CDK14: variants seen among roughly 807,000 people sequenced by gnomAD.
CDK14 encodes cyclin dependent kinase 14.
Under a neutral mutation model 60.7 loss-of-function variants are expected in CDK14, and 34 were observed. The ratio of observed to expected loss-of-function variants is 0.56; its 90% CI spans 0.43 to 0.75. The LOEUF (loss-of-function observed/expected upper bound fraction) is 0.75. CDK14 is among the 30% of genes least tolerant of loss of function. The probability of loss-of-function intolerance (pLI) is 0.00; values close to 1 mark genes in which losing one functional copy is unlikely to be tolerated. For synonymous variants in CDK14, 197 were observed against 203.7 expected, an observed-to-expected ratio of 0.97 and a Z score of 0.28; for missense variants, 482 against 564.1, an observed-to-expected ratio of 0.85 and a Z score of 1.47.
intron 11 of CDK14, among the ~76,000 whole-genome samples, chr7:91,067,456 C>T (rs1198053880): frequency 2.0e-5 from 3 of 152,154 alleles, no homozygotes; most frequent in African/African-American, 7.2e-5. Flanking sequence ...GGAAAAGAAA[C>T]AGATGCAGTT....
chr7:91,071,162 T>C (rs1584012918), intron 11 of CDK14, among the ~76,000 whole-genome samples: 1 of 152,198 alleles, frequency 6.6e-6, no homozygotes, highest in South Asian at 2.1e-4. Flanking sequence ...AATGAAGTTA[T>C]TGTTTGTATA....
At chr7:90,887,755 A>G (rs1441830268) in intron 6 of CDK14, among the ~76,000 whole-genome samples, 1 of 152,146 alleles carries the variant, frequency 6.6e-6, no homozygotes, top group East Asian at 1.9e-4. Flanking sequence ...GTCTCCCTAA[A>G]ATTGTTACCA....
intron 10 of CDK14, among the ~76,000 whole-genome samples, chr7:91,027,561 G>A (rs183064282): frequency 3.9e-5 from 6 of 152,190 alleles, no homozygotes; most frequent in Non-Finnish European, 8.8e-5. Flanking sequence ...AAGCTTTTAG[G>A]AATAAGTAGC....
At chr7:90,617,164 A>G (rs1799668507) in intron 2 of CDK14, among the ~76,000 whole-genome samples, 1 of 152,294 alleles carries the variant, frequency 6.6e-6, no homozygotes, top group South Asian at 2.1e-4. Flanking sequence ...GATTATAAGT[A>G]TCCTCTCCAT....
intron 11 of CDK14, among the ~76,000 whole-genome samples, chr7:91,058,266 G>C (rs1482064917): frequency 1.3e-5 from 2 of 152,052 alleles, no homozygotes; most frequent in Non-Finnish European, 2.9e-5. Context: ...TGTATCCTGA[G>C]ACTTTGCTGA....
intron 6 of CDK14, among the ~76,000 whole-genome samples, chr7:90,891,887 A>G (rs1255180244): frequency 2.0e-5 from 3 of 152,264 alleles, no homozygotes; most frequent in Non-Finnish European, 2.9e-5. Context: ...TTGAAAGCCA[A>G]TGCTAATGCA....
intron 2 of CDK14, among the ~76,000 whole-genome samples, chr7:90,673,263 A>G (rs536222280): frequency 9.2e-5 from 14 of 152,300 alleles, no homozygotes; most frequent in Admixed American, 1.3e-4. Flanking sequence ...GGAAACAAAC[A>G]TATGGATATA....
At chr7:90,979,624 CAATGAGAAGTG>C (rs1297880346) in intron 9 of CDK14, 1 of 152,166 alleles carries the variant, frequency 6.6e-6, no homozygotes, top group East Asian at 1.9e-4. Context: ...ACCTTACGAA[CAATGAGAAGTG>C]AAGCAGAGAA....
rs35727096 is a variant in CDK14 at position 90,604,602 on chromosome 7, A to G, written c.123+353A>G. The stretch of plus-strand genomic sequence containing the variant: ...GGTAAGTTGGGCACCATGGCTCACC[A>G]TGGCTCCTTGCAGACCTCAGCTGAA... On this transcript the variant is annotated intron_variant, in intron 2 of 14. Transcript: ENST00000380050. 5.5e-3 allele frequency among the ~76,000 whole-genome samples: 836 copies of G among 152,284 alleles called. 5 individuals carry two copies. The highest frequency in any genetic ancestry group is 0.027 in the South Asian group (131 of 4,828).
At chr7:91,047,272 A>C (rs1458687619) in intron 11 of CDK14, among the ~76,000 whole-genome samples, 1 of 152,210 alleles carries the variant, frequency 6.6e-6, no homozygotes, top group Non-Finnish European at 1.5e-5. Flanking sequence ...ATTTGAAATG[A>C]ATAAAGTTAG....
chr7:91,025,904 A>G (rs1446444751), intron 10 of CDK14, among the ~76,000 whole-genome samples: 2 of 152,224 alleles, frequency 1.3e-5, no homozygotes, highest in Non-Finnish European at 2.9e-5. Flanking sequence ...ATGCCCACTC[A>G]CTGTCAATGT....
intron 2 of CDK14, among the ~76,000 whole-genome samples, chr7:90,626,833 C>G (rs867640645): frequency 6.0e-5 from 9 of 151,200 alleles, no homozygotes; most frequent in Admixed American, 2.7e-4. Context: ...CTAGCTGCTC[C>G]ACAGGTTGAG....
intron 4 of CDK14, among the ~76,000 whole-genome samples, chr7:90,752,784 TAACAC>T (rs1803899716): frequency 6.6e-6 from 1 of 151,980 alleles, no homozygotes; most frequent in South Asian, 2.1e-4. Context: ...AGATCCAAGT[TAACAC>T]AATCAGAAAT....
intron 2 of CDK14, among the ~76,000 whole-genome samples, chr7:90,609,564 T>C (rs1246500116): frequency 6.6e-6 from 1 of 152,168 alleles, no homozygotes; most frequent in Non-Finnish European, 1.5e-5. Context: ...TGCTCTTAGC[T>C]TCTGCCATGT....
At chr7:90,638,527 T>A (rs1563025275) in intron 2 of CDK14, among the ~76,000 whole-genome samples, 1 of 152,236 alleles carries the variant, frequency 6.6e-6, no homozygotes, top group South Asian at 2.1e-4. Flanking sequence ...CTTCCCTTTG[T>A]GGGTAACCTG....
rs142041584 is a variant in CDK14, at chr7:90,942,855, C to T, written c.827-12842C>T. On this transcript the variant is annotated intron_variant, in intron 8 of 14. Coordinates refer to ENST00000380050, the MANE Select transcript of CDK14 (RefSeq NM_001287135.2). Reference sequence around the variant, plus strand: ...TTTATATTTATATAACAGAATTTGCCGTTAAGTTGATTTTTCCAAGAATAA... The same window carrying T: ...TTTATATTTATATAACAGAATTTGCTGTTAAGTTGATTTTTCCAAGAATAA... 1.2e-4 allele frequency among the ~76,000 whole-genome samples: 19 copies of T among 152,212 alleles called. No individual in the cohort carries two copies. In the East Asian group the frequency reaches 3.3e-3, roughly 26 times the overall value.
chr7:90,868,303 A>G (rs1791252186), intron 6 of CDK14, among the ~76,000 whole-genome samples: 1 of 106,946 alleles, frequency 9.4e-6, no homozygotes, highest in Non-Finnish European at 2.2e-5. Flanking sequence ...ATATATATAT[A>G]CACACACACA....
At chr7:90,632,593 C>T (rs1457015561) in intron 2 of CDK14, 2 of 153,962 alleles carry the variant, frequency 1.3e-5, no homozygotes, top group Non-Finnish European at 2.9e-5. Context: ...GCTCTTATAT[C>T]TTTTATTATA....
At chr7:91,069,362 T>C (rs1798070474) in intron 11 of CDK14, among the ~76,000 whole-genome samples, 2 of 152,144 alleles carry the variant, frequency 1.3e-5, no homozygotes, top group Non-Finnish European at 2.9e-5. Flanking sequence ...AACAGTGAGA[T>C]GCCATCTCTA....
Sources: allele counts gnomAD v4.1 joint callset (sites outside exome capture counted in the v4.1 genomes callset), GRCh38; gene constraint gnomAD v4.1.1; transcripts MANE v1.5; gene names NCBI Gene and HGNC (gene_info 2026-07-23, HGNC 2026-07-21).